MREG: variants seen among roughly 807,000 people sequenced by gnomAD.
MREG encodes the protein melanoregulin.
Under a neutral mutation model 28.5 loss-of-function variants are expected in MREG, and 31 were observed. The ratio of observed to expected loss-of-function variants is 1.09; its 90% CI spans 0.82 to 1.47. The LOEUF is 1.47. Ranked by LOEUF, MREG falls within the 40% of genes most tolerant of loss-of-function variation. MREG has a pLI of 0.00. For missense variants in MREG, 256 were observed against 257.4 expected, an observed-to-expected ratio of 0.99 and a Z score of 0.04; for synonymous variants, 106 against 95.2, an observed-to-expected ratio of 1.11 and a Z score of -0.66.
In MREG at chr2:215,977,973, A is replaced by G. The variant is rs1359717784; in HGVS notation, c.255+18333T>C. ...CCCTAACATCACAATTAAAAGAACT[A>G]GAGAAACAAGAGCAAACAAATTCAA... On this transcript the variant is annotated intron_variant, in intron 2 of 4. Coordinates refer to ENST00000263268, the MANE Select transcript of MREG (RefSeq NM_018000.3). Among the ~76,000 whole-genome samples the G allele has an allele frequency of 4.3e-4, 66 of 152,206 alleles. 2 individuals are homozygous for G. Among genetic ancestry groups the G allele is most frequent in the Admixed American group, 4.2e-3 (64 of 15,278 alleles).
At chr2:215,970,586 T>C (rs150583515) in intron 2 of MREG, among the ~76,000 whole-genome samples, 276 of 152,290 alleles carry the variant, frequency 1.8e-3, no homozygotes, top group African/African-American at 5.9e-3. Context: ...TGCACAGCCA[T>C]ACATGCACAA....
intron 1 of MREG, among the ~76,000 whole-genome samples, chr2:215,996,832 G>A (rs1397712840): frequency 6.6e-6 from 1 of 151,944 alleles, no homozygotes; most frequent in African/African-American, 2.4e-5. Context: ...CCAGGCTGGA[G>A]TGCAGTGGCA....
chr2:216,029,559 T>A (rs144119282), intron 1 of MREG, among the ~76,000 whole-genome samples: 2 of 152,352 alleles, frequency 1.3e-5, no homozygotes, highest in African/African-American at 4.8e-5. Context: ...CACCTCCCCC[T>A]GCCTCCAGGC....
intron 1 of MREG, among the ~76,000 whole-genome samples, chr2:216,008,563 A>T (rs573760784): frequency 1.3e-5 from 2 of 152,324 alleles, no homozygotes; most frequent in East Asian, 3.9e-4. Context: ...GCTTCCATTC[A>T]TGATAACAAA....
chr2:215,948,770 A>G (rs1438114396), intron 2 of MREG, among the ~76,000 whole-genome samples: 4 of 152,090 alleles, frequency 2.6e-5, no homozygotes, highest in African/African-American at 4.8e-5. Context: ...CTGTTCCTCA[A>G]TTGCCTCATC....
At chr2:216,030,729 C>CT (rs71047960) in intron 1 of MREG, among the ~76,000 whole-genome samples, 62 of 145,692 alleles carry the variant, frequency 4.3e-4, no homozygotes, top group Middle Eastern at 3.7e-3. Context: ...TTCTTTCTTT[C>CT]TTTTTTTTTT....
intron 1 of MREG, among the ~76,000 whole-genome samples, chr2:216,004,965 CT>C (rs1405146661): frequency 6.6e-6 from 1 of 152,106 alleles, no homozygotes; most frequent in Admixed American, 6.5e-5. Context: ...GAGAAAGAGT[CT>C]TCAAGGCAGG....
intron 2 of MREG, among the ~76,000 whole-genome samples, chr2:215,968,712 G>C (rs1013287551): frequency 6.6e-6 from 1 of 152,110 alleles, no homozygotes; most frequent in Non-Finnish European, 1.5e-5. Context: ...TGACCTATGA[G>C]TAATTGGTAA....
chr2:215,961,148 G>A (rs1574602822), intron 2 of MREG, among the ~76,000 whole-genome samples: 1 of 152,218 alleles, frequency 6.6e-6, no homozygotes, highest in African/African-American at 2.4e-5. Flanking sequence ...GCCAGGAGAG[G>A]CCTGTGCCCA....
intron 2 of MREG, among the ~76,000 whole-genome samples, chr2:215,980,592 C>T (rs540695590): frequency 9.9e-5 from 15 of 152,238 alleles, no homozygotes; most frequent in South Asian, 8.3e-4. Flanking sequence ...CTGATCAGTA[C>T]GAAGCTGTCA....
upstream of MREG, chr2:216,032,992 C>T (rs900102855): frequency 9.9e-5 from 15 of 152,204 alleles, no homozygotes; most frequent in Admixed American, 4.6e-4. Context: ...CAACCAACCA[C>T]AATTATTTGA....
Position 215,943,268 on chromosome 2 carries a change from T to A in MREG, c.*1595A>T. The A allele has an allele frequency of 2.8e-6, 1 of 361,784 alleles. No homozygotes were observed. The highest frequency in any genetic ancestry group is 3.0e-5 in the Admixed American group (1 of 32,896). The allele number at this position is 361,784 out of a possible 1,614,324, so 22.4% of individuals were successfully genotyped here. A position where few individuals can be genotyped will look rare whatever the true frequency, so the allele number is the denominator to read the frequency against. On this transcript the variant is annotated 3_prime_UTR_variant, in exon 5 of 5. Coordinates refer to ENST00000263268, the MANE Select transcript of MREG (RefSeq NM_018000.3). ...ACATGAACCATGATCTCTTGACAAG[T>A]TCCTTGCTTAAGTGGCAAGTAACTT...
At chr2:215,939,327 T>G (rs1055342002), downstream of MREG, 2 of 152,182 alleles carry the variant, frequency 1.3e-5, no homozygotes, top group Non-Finnish European at 2.9e-5. Context: ...GACGATATAT[T>G]TATTTCCCCA....
chr2:216,006,082 C>T (rs924882557), intron 1 of MREG, among the ~76,000 whole-genome samples: 3 of 152,118 alleles, frequency 2.0e-5, no homozygotes, highest in Non-Finnish European at 4.4e-5. Flanking sequence ...ACTTTTTAAA[C>T]ATAGGTGGTG....
intron 2 of MREG, among the ~76,000 whole-genome samples, chr2:215,970,744 C>G (rs1042712699): frequency 6.6e-6 from 1 of 152,120 alleles, no homozygotes. Flanking sequence ...AAAGCTCAAA[C>G]GTTACACGAG....
chr2:216,013,213 G>A lies in MREG; in HGVS notation c.95+20C>T. ...TACGGCCCAGGTAAGCCCAGATCCC[G>A]GCCCGGGCGGCGCACCCACCTGACG... On this transcript the variant is annotated intron_variant, in intron 1 of 4. Coordinates refer to ENST00000263268, the MANE Select transcript of MREG (RefSeq NM_018000.3). 6.5e-7 allele frequency: 1 copy of A among 1,546,934 alleles called. No individual in the cohort carries two copies. Among genetic ancestry groups the A allele is most frequent in the Non-Finnish European group, 8.7e-7 (1 of 1,145,596 alleles).
At chr2:216,028,320 G>A (rs750765595) in intron 1 of MREG, among the ~76,000 whole-genome samples, 4 of 151,968 alleles carry the variant, frequency 2.6e-5, no homozygotes, top group African/African-American at 7.3e-5. Context: ...TCGAGATCAC[G>A]AGGTCAGGAG....
chr2:215,943,513 A>G lies in MREG; in HGVS notation c.*1350T>C, dbSNP rs1692234316. On this transcript the variant is annotated 3_prime_UTR_variant, in exon 5 of 5. Coordinates refer to ENST00000263268, the MANE Select transcript of MREG (RefSeq NM_018000.3). The stretch of plus-strand genomic sequence containing the variant: ...AGAGGAGAGAAGAAAACAGAGGTCA[A>G]ACACTTCAGTTTACAGATGCTATTC... 3 of 456,532 alleles carry G rather than the reference A, an allele frequency of 6.6e-6. No individual in the cohort carries two copies. Among genetic ancestry groups the G allele is most frequent in the African/African-American group, 2.0e-5 (1 of 50,076 alleles). 28.3% of individuals were successfully genotyped at this position (456,532 alleles called of 1,614,324 possible). A position where few individuals can be genotyped will look rare whatever the true frequency, so the allele number is the denominator to read the frequency against.
chr2:215,999,821 AG>A (rs1355518261), intron 1 of MREG, among the ~76,000 whole-genome samples: 2 of 152,146 alleles, frequency 1.3e-5, no homozygotes, highest in Non-Finnish European at 2.9e-5. Context: ...ATGAGCCTGC[AG>A]GATGTTCAGG....
Sources: gnomAD v4.1 joint callset for allele counts (sites outside exome capture counted in the v4.1 genomes callset) on GRCh38, gnomAD v4.1.1 for gene constraint, MANE v1.5 for transcripts, NCBI Gene and HGNC (gene_info 2026-07-23, HGNC 2026-07-21) for gene names.